The following MYO3B variants were observed in gnomAD, a reference collection of about 807,000 sequenced individuals.
MYO3B encodes myosin IIIB.
Under a neutral mutation model 174.6 loss-of-function variants are expected in MYO3B, and 156 were observed. The observed-to-expected ratio is 0.89, with a 90% CI of 0.78 to 1.02. MYO3B has a LOEUF of 1.02. Among genes scored for constraint, MYO3B ranks in the 50% least tolerant of loss-of-function variants. MYO3B has a pLI of 0.00. For synonymous variants in MYO3B, 563 were observed against 569.1 expected, an observed-to-expected ratio of 0.99 and a Z score of 0.15; for missense variants, 1,632 against 1,639.4, an observed-to-expected ratio of 1.00 and a Z score of 0.08.
In MYO3B at chr2:170,272,162, C is replaced by T. The variant is rs146269046; in HGVS notation, c.749+36026C>T. On this transcript the variant is annotated intron_variant, in intron 7 of 34. Transcript: ENST00000408978. ...AGCTTGGTCTCTGAACCGATAGCAT[C>T]GGCATCACTTGGGAACATGTTAGAA... Among the ~76,000 whole-genome samples the T allele has an allele frequency of 1.4e-3, 217 of 151,684 alleles. 2 individuals are homozygous for T. The highest frequency in any genetic ancestry group is 9.9e-3 in the Admixed American group (151 of 15,196).
At chr2:170,568,353 C>T (rs759012819) in intron 32 of MYO3B, among the ~76,000 whole-genome samples, 8 of 152,192 alleles carry the variant, frequency 5.3e-5, no homozygotes, top group East Asian at 1.9e-4. Context: ...AGGGACTTCC[C>T]GTCTGGGCTT....
chr2:170,208,982 G>A (rs2092743405), intron 3 of MYO3B, among the ~76,000 whole-genome samples: 1 of 152,114 alleles, frequency 6.6e-6, no homozygotes, highest in Non-Finnish European at 1.5e-5. Context: ...GATAAACTTA[G>A]AGCTCCTGGT....
chr2:170,336,153 A>C (rs937388717), intron 8 of MYO3B, among the ~76,000 whole-genome samples: 3 of 151,922 alleles, frequency 2.0e-5, no homozygotes, highest in Non-Finnish European at 2.9e-5. Context: ...GGAGGAGGTT[A>C]CAGGGCCCCA....
intron 32 of MYO3B, among the ~76,000 whole-genome samples, chr2:170,638,109 TCA>T (rs58917057): frequency 1.3e-5 from 2 of 150,414 alleles, no homozygotes; most frequent in Non-Finnish European, 3.0e-5. Context: ...TCTCTCTCTC[TCA>T]CACACACACA....
In MYO3B at chr2:170,199,252, G is replaced by GT; in HGVS notation, c.47_48insT (p.Leu17ThrfsTer2). ...TTTCACTATAATCCTATGATGCTTG[G>GT]ACTTGAATCACTTCCAGATCCCACA... is the stretch of plus-strand genomic sequence containing the variant. On this transcript the variant is annotated frameshift_variant, in exon 2 of 35. Transcript: ENST00000408978. LOFTEE classifies it high-confidence loss of function. 6.2e-7 allele frequency: 1 copy of GT among 1,613,332 alleles called. No homozygotes were observed. The highest frequency in any genetic ancestry group is 8.5e-7 in the Non-Finnish European group (1 of 1,179,604).
At chr2:170,200,111 T>G in intron 2 of MYO3B, 39 bp from the exon 3 acceptor site, 1 of 1,595,036 alleles carries the variant, frequency 6.3e-7, no homozygotes, top group South Asian at 1.2e-5. Flanking sequence ...TCCTTACACA[T>G]TAGATTTAAT....
At chr2:170,580,354 C>A (rs945614168) in intron 32 of MYO3B, among the ~76,000 whole-genome samples, 1 of 152,130 alleles carries the variant, frequency 6.6e-6, no homozygotes, top group Non-Finnish European at 1.5e-5. Context: ...AGCAAGTGCT[C>A]AGGCCAGGCA....
chr2:170,643,135 A>G, intron 32 of MYO3B, among the ~76,000 whole-genome samples: 1 of 152,218 alleles, frequency 6.6e-6, no homozygotes, highest in East Asian at 1.9e-4. Context: ...TTGGACTTCA[A>G]AAACCTGAAT....
At chr2:170,240,779 G>A (rs1011524186) in intron 7 of MYO3B, among the ~76,000 whole-genome samples, 7 of 152,170 alleles carry the variant, frequency 4.6e-5, no homozygotes, top group African/African-American at 1.7e-4. Context: ...AGAAACGGAA[G>A]AACAGAAATC....
chr2:170,639,530 T>G (rs909689072), intron 32 of MYO3B, among the ~76,000 whole-genome samples: 1 of 152,068 alleles, frequency 6.6e-6, no homozygotes, highest in Non-Finnish European at 1.5e-5. Context: ...CTCCTAAAAA[T>G]AGAAAGATGC....
intron 7 of MYO3B, among the ~76,000 whole-genome samples, chr2:170,259,395 C>T (rs1304035006): frequency 2.6e-5 from 4 of 152,066 alleles, no homozygotes; most frequent in Non-Finnish European, 4.4e-5. Context: ...ATAGATTACC[C>T]AGAAATAAAG....
At chr2:170,286,064 T>C (rs1336708036) in intron 7 of MYO3B, among the ~76,000 whole-genome samples, 6 of 152,216 alleles carry the variant, frequency 3.9e-5, no homozygotes, top group Non-Finnish European at 8.8e-5. Flanking sequence ...TGTTTGACAA[T>C]CCTTGTGTGA....
chr2:170,471,990 T>TA (rs533804427), intron 25 of MYO3B, among the ~76,000 whole-genome samples: 2,976 of 127,950 alleles, frequency 0.023, 72 homozygotes, highest in African/African-American at 0.069. Context: ...AAACTCTGTC[T>TA]AAAAAAAAAA....
intron 32 of MYO3B, among the ~76,000 whole-genome samples, chr2:170,608,064 T>C (rs114279040): frequency 0.012 from 1,807 of 152,252 alleles, 16 homozygotes; most frequent in East Asian, 0.02. Flanking sequence ...TGCCTGAAAT[T>C]TGGGGACAGG....
chr2:170,446,780 C>G (rs1406253803), intron 23 of MYO3B, among the ~76,000 whole-genome samples: 1 of 152,036 alleles, frequency 6.6e-6, no homozygotes, highest in Non-Finnish European at 1.5e-5. Flanking sequence ...TAACAAAAAG[C>G]AGATTAACAA....
chr2:170,310,600 G>A (rs2093732070), intron 7 of MYO3B, among the ~76,000 whole-genome samples: 1 of 148,052 alleles, frequency 6.8e-6, no homozygotes, highest in African/African-American at 2.5e-5. Flanking sequence ...TGGAGATGGA[G>A]GTTGGAGTGA....
chr2:170,337,634 C>T (rs1366454507), intron 8 of MYO3B, among the ~76,000 whole-genome samples: 1 of 152,150 alleles, frequency 6.6e-6, no homozygotes, highest in East Asian at 1.9e-4. Context: ...CTACCCCCCA[C>T]CTTATGAAGT....
intron 22 of MYO3B, among the ~76,000 whole-genome samples, chr2:170,423,272 C>A (rs942042407): frequency 6.6e-6 from 1 of 152,110 alleles, no homozygotes; most frequent in Admixed American, 6.5e-5. Context: ...TGTGAGCCAC[C>A]GTGCCCAGCC....
At chr2:170,416,274 G>A (rs1417850047) in intron 22 of MYO3B, among the ~76,000 whole-genome samples, 1 of 152,120 alleles carries the variant, frequency 6.6e-6, no homozygotes, top group Non-Finnish European at 1.5e-5. Context: ...TGTAATCCCA[G>A]CACTTTGGGA....
Sources: allele counts gnomAD v4.1 joint callset (sites outside exome capture counted in the v4.1 genomes callset), GRCh38; gene constraint gnomAD v4.1.1; transcripts MANE v1.5; gene names NCBI Gene and HGNC (gene_info 2026-07-23, HGNC 2026-07-21).